The following RYK variants were observed in gnomAD, a reference collection of about 807,000 sequenced individuals.
RYK encodes receptor like tyrosine kinase.
In RYK, 21 loss-of-function variants were observed where a neutral mutation model predicts 70.2. That is an observed-to-expected ratio of 0.30 (90% CI 0.21 to 0.43). The LOEUF (loss-of-function observed/expected upper bound fraction) is 0.43. Among genes scored for constraint, RYK ranks in the 20% least tolerant of loss-of-function variants. RYK has a pLI of 1.00. For missense variants in RYK, 604 were observed against 753.3 expected (o/e 0.80, Z 2.32); for synonymous variants, 267 against 278.0 (o/e 0.96, Z 0.39).
chr3:134,165,847 T>C (rs1237088547), intron 13 of RYK, among the ~76,000 whole-genome samples: 2 of 152,244 alleles, frequency 1.3e-5, no homozygotes, highest in African/African-American at 4.8e-5. Flanking sequence ...CACCACTGTA[T>C]TTTTGAAGCA....
At chr3:134,243,598 A>G (rs1422555080) in intron 1 of RYK, among the ~76,000 whole-genome samples, 1 of 152,100 alleles carries the variant, frequency 6.6e-6, no homozygotes, top group South Asian at 2.1e-4. Context: ...CACCTCAGCC[A>G]CATTAGATTT....
At chr3:134,221,786 G>A (rs1001279398) in intron 2 of RYK, among the ~76,000 whole-genome samples, 2 of 152,076 alleles carry the variant, frequency 1.3e-5, no homozygotes, top group Non-Finnish European at 2.9e-5. Flanking sequence ...AGTTGGTTGG[G>A]TACAGGAGGC....
chr3:134,249,522 T>TG (rs949511257), intron 1 of RYK, among the ~76,000 whole-genome samples: 3 of 152,208 alleles, frequency 2.0e-5, no homozygotes, highest in African/African-American at 7.2e-5. Flanking sequence ...ACTTCCTTTT[T>TG]GGGGGGTCGT....
chr3:134,194,744 T>C (rs1441834033), intron 7 of RYK, among the ~76,000 whole-genome samples: 1 of 152,248 alleles, frequency 6.6e-6, no homozygotes, highest in East Asian at 1.9e-4. Flanking sequence ...TCTCTGTCTT[T>C]ATGCAGCTCA....
intron 13 of RYK, chr3:134,170,717 T>C (rs2012871725): frequency 1.3e-5 from 2 of 152,320 alleles, no homozygotes; most frequent in Admixed American, 6.6e-5. Context: ...TGAAGGATTA[T>C]GGACTATCTA....
At chr3:134,211,458 G>T (rs781678394) in intron 3 of RYK, 50 bp downstream of exon 3, 2 of 1,285,856 alleles carry the variant, frequency 1.6e-6, no homozygotes, top group South Asian at 1.3e-5. Flanking sequence ...GGCCATAGGG[G>T]ATGCAGTTGA....
At chr3:134,234,996 T>C (rs544348641) in intron 1 of RYK, among the ~76,000 whole-genome samples, 11 of 152,092 alleles carry the variant, frequency 7.2e-5, no homozygotes, top group Non-Finnish European at 1.5e-4. Context: ...TGGTACTCTA[T>C]AGGAAATGTG....
chr3:134,250,635 A>G lies in RYK; in HGVS notation c.20T>C (p.Leu7Pro). Residue 7 changes from leucine to proline, a missense_variant, in exon 1 of 15, where the codon CTG becomes CCG. Transcript: ENST00000623711. ...GAGGCAACTCCGGCCCGGCCGCCCCAGCCGCGCCGCCCCACGCATGGCCGC... is the reference window on the plus strand; with the variant it reads ...GAGGCAACTCCGGCCCGGCCGCCCCGGCCGCGCCGCCCCACGCATGGCCGC... MRGAAR[L>P]GRPGRSCLPG... 1 of 983,658 alleles carries G rather than the reference A, an allele frequency of 1.0e-6. No homozygotes were observed. Among genetic ancestry groups the G allele is most frequent in the Non-Finnish European group, 1.2e-6 (1 of 831,006 alleles). The allele number at this position is 983,658 out of a possible 1,614,324, so 60.9% of individuals were successfully genotyped here.
At chr3:134,171,836 C>A (rs2012922994) in intron 13 of RYK, among the ~76,000 whole-genome samples, 2 of 152,040 alleles carry the variant, frequency 1.3e-5, no homozygotes, top group African/African-American at 4.8e-5. Flanking sequence ...CACTGCACTC[C>A]CACCTGGGCA....
intron 1 of RYK, among the ~76,000 whole-genome samples, chr3:134,249,712 C>T (rs1382714607): frequency 6.6e-6 from 1 of 152,042 alleles, no homozygotes; most frequent in East Asian, 1.9e-4. Context: ...AGGAGAGTGG[C>T]CCAGAAGTAC....
In RYK at chr3:134,207,463, A is replaced by G; in HGVS notation, c.643+9T>C. 6.6e-7 allele frequency: 1 copy of G among 1,518,532 alleles called. No homozygotes were observed. Among genetic ancestry groups the G allele is most frequent in the South Asian group, 1.3e-5 (1 of 79,682 alleles). The allele number at this position is 1,518,532 out of a possible 1,614,324, so 94.1% of individuals were successfully genotyped here. A position where few individuals can be genotyped will look rare whatever the true frequency, so the allele number is the denominator to read the frequency against. The stretch of plus-strand genomic sequence containing the variant: ...TAATAATGGATAAAGATAATACAGT[A>G]ACACTTACAAATAGTTCTGCTAGTG... On this transcript the variant is annotated intron_variant, in intron 5 of 14. Coordinates refer to ENST00000623711, the MANE Select transcript of RYK (RefSeq NM_002958.4).
At chr3:134,201,796 G>A (rs1376543102) in intron 6 of RYK, among the ~76,000 whole-genome samples, 1 of 152,216 alleles carries the variant, frequency 6.6e-6, no homozygotes, top group Non-Finnish European at 1.5e-5. Flanking sequence ...GAGTATGGAT[G>A]ATACGTCTCC....
At chr3:134,245,430 C>T (rs998982866) in intron 1 of RYK, among the ~76,000 whole-genome samples, 1 of 151,510 alleles carries the variant, frequency 6.6e-6, no homozygotes, top group African/African-American at 2.4e-5. Flanking sequence ...AAAGGAAAGA[C>T]AACATGCTTT....
intron 13 of RYK, among the ~76,000 whole-genome samples, chr3:134,170,004 T>G (rs2012836649): frequency 6.6e-6 from 1 of 152,194 alleles, no homozygotes; most frequent in African/African-American, 2.4e-5. Flanking sequence ...TTTAAAATAT[T>G]TTAAGAATTA....
intron 13 of RYK, among the ~76,000 whole-genome samples, chr3:134,166,786 CA>C (rs2012689785): frequency 6.6e-6 from 1 of 152,200 alleles, no homozygotes; most frequent in Admixed American, 6.5e-5. Context: ...AGAAAACACC[CA>C]GGCCAACTAC....
chr3:134,187,309 G>T (rs2013496482), intron 9 of RYK, among the ~76,000 whole-genome samples: 1 of 152,024 alleles, frequency 6.6e-6, no homozygotes. Context: ...ATTCCTTTAA[G>T]TAAATTTAGA....
chr3:134,166,313 G>A (rs1387756388), intron 13 of RYK, among the ~76,000 whole-genome samples: 1 of 152,130 alleles, frequency 6.6e-6, no homozygotes. Flanking sequence ...AACCAGGAAA[G>A]GGGCTCTCAA....
rs141383100 is a variant in RYK, at chr3:134,211,340, G to A, written c.454+168C>T. 5.9e-3 allele frequency among the ~76,000 whole-genome samples: 902 copies of A among 152,196 alleles called. 8 individuals are homozygous for A. Among genetic ancestry groups the A allele is most frequent in the African/African-American group, 0.019 (768 of 41,508 alleles). On this transcript the variant is annotated intron_variant, in intron 3 of 14. Transcript: ENST00000623711. Reference sequence around the variant, plus strand: ...TCCAGAAGGACAGAAAAGAGAGAATGGTTTAAGAACACAGTGCAAATATTT... The same window carrying A: ...TCCAGAAGGACAGAAAAGAGAGAATAGTTTAAGAACACAGTGCAAATATTT...
chr3:134,160,802 C>G (rs1022307769), intron 13 of RYK, among the ~76,000 whole-genome samples: 2 of 152,148 alleles, frequency 1.3e-5, no homozygotes, highest in African/African-American at 2.4e-5. Flanking sequence ...TTGCGGTGAG[C>G]CGAGATCGCG....
Sources: gnomAD v4.1 joint callset for allele counts (sites outside exome capture counted in the v4.1 genomes callset) on GRCh38, gnomAD v4.1.1 for gene constraint, MANE v1.5 for transcripts, NCBI Gene and HGNC (gene_info 2026-07-23, HGNC 2026-07-21) for gene names.